DNAAF11: variants seen among roughly 807,000 people sequenced by gnomAD.
The protein encoded by DNAAF11 is leucine rich repeat containing 6.
Under a neutral mutation model 60.8 loss-of-function variants are expected in DNAAF11, and 45 were observed. That is an observed-to-expected ratio of 0.74 (90% CI 0.58 to 0.95). DNAAF11 has a LOEUF of 0.95. DNAAF11 is among the 40% of genes least tolerant of loss of function. The pLI, the probability that DNAAF11 is intolerant of heterozygous loss-of-function variation, is 0.00. For synonymous variants in DNAAF11, 191 were observed against 183.5 expected, an observed-to-expected ratio of 1.04 and a Z score of -0.33; for missense variants, 546 against 546.2, an observed-to-expected ratio of 1.00 and a Z score of 0.00.
chr8:132,581,542 C>T (rs577998309), intron 11 of DNAAF11, among the ~76,000 whole-genome samples: 8 of 151,402 alleles, frequency 5.3e-5, no homozygotes, highest in South Asian at 4.2e-4. Flanking sequence ...CCCAGCTACT[C>T]GGGAGGCTGA....
intron 11 of DNAAF11, among the ~76,000 whole-genome samples, chr8:132,575,549 G>A (rs1256655198): frequency 6.6e-6 from 1 of 152,136 alleles, no homozygotes; most frequent in Non-Finnish European, 1.5e-5. Flanking sequence ...CTTTGCACCA[G>A]CGTGGCAAGG....
intron 3 of DNAAF11, among the ~76,000 whole-genome samples, chr8:132,639,021 C>T (rs961404077): frequency 5.9e-5 from 9 of 152,114 alleles, no homozygotes; most frequent in African/African-American, 1.7e-4. Context: ...TCAGAAGTTG[C>T]GAAGATAATA....
At chr8:132,608,191 A>G (rs1586565075) in intron 10 of DNAAF11, among the ~76,000 whole-genome samples, 1 of 152,174 alleles carries the variant, frequency 6.6e-6, no homozygotes, top group Admixed American at 6.5e-5. Context: ...ATTATTCCCC[A>G]AAGTTTGTTT....
chr8:132,625,438 T>C lies in DNAAF11; in HGVS notation c.670A>G (p.Lys224Glu). ...INATLSSLESKDHLQAPDTEE... is the reference protein window; with the variant it reads ...INATLSSLESEDHLQAPDTEE... ...GTGTCTGGTGCCTGTAGGTGGTCTT[T>C]GCTCTCTAAAGAGGAACTAGGAAAA... The change falls in exon 6 of 12, where the codon AAA (lysine) becomes GAA (glutamate). Residue 224 changes from lysine (K) to glutamate (E), a missense_variant. By Grantham distance (56) the Lys-to-Glu change is moderately conservative. Coordinates refer to ENST00000620350, the MANE Select transcript of DNAAF11 (RefSeq NM_012472.6). 1 of 1,608,770 alleles carries C rather than the reference T, an allele frequency of 6.2e-7. No individual in the cohort carries two copies. Among genetic ancestry groups the C allele is most frequent in the Non-Finnish European group, 8.5e-7 (1 of 1,178,214 alleles).
At chr8:132,699,314 T>G in the DNAAF11 span, among the ~76,000 whole-genome samples, 1 of 152,016 alleles carries the variant, frequency 6.6e-6, no homozygotes, top group Admixed American at 6.6e-5. Context: ...TCTGCCTGAG[T>G]GTCCTACAAG....
At chr8:132,681,290 G>GT in the DNAAF11 span, among the ~76,000 whole-genome samples, 1 of 149,032 alleles carries the variant, frequency 6.7e-6, no homozygotes, top group Non-Finnish European at 1.5e-5. Context: ...GATTACAGGC[G>GT]TGAGCCACCA....
chr8:132,615,127 G>C lies in DNAAF11; in HGVS notation c.915-30C>G, dbSNP rs756172763. ...GAATAACACATTTGGTGGGAAAAAA[G>C]AGATGTCTTTAGGATACTGTATAGA... is the stretch of plus-strand genomic sequence containing the variant. On this transcript the variant is annotated intron_variant, in intron 7 of 11. Transcript: ENST00000620350. The C allele has an allele frequency of 2.8e-6, 4 of 1,419,158 alleles. No homozygotes were observed. The South Asian group carries it at 4.7e-5, about 17-fold the overall frequency. 87.9% of individuals were successfully genotyped at this position (1,419,158 alleles called of 1,614,324 possible). A position where few individuals can be genotyped will look rare whatever the true frequency, so the allele number is the denominator to read the frequency against.
At chr8:132,685,478 T>C in the DNAAF11 span, among the ~76,000 whole-genome samples, 1 of 152,222 alleles carries the variant, frequency 6.6e-6, no homozygotes. Flanking sequence ...AGTTTTAAAA[T>C]GTTTACTTCA....
chr8:132,698,971 C>T, the DNAAF11 span, among the ~76,000 whole-genome samples: 1 of 142,396 alleles, frequency 7.0e-6, no homozygotes, highest in Non-Finnish European at 1.5e-5. Context: ...CACACACACA[C>T]AAAAAAAATT....
chr8:132,572,081 C>T lies in DNAAF11; in HGVS notation c.*225G>A. 2.5e-6 allele frequency: 1 copy of T among 395,444 alleles called. No homozygotes were observed. The highest frequency in any genetic ancestry group is 4.5e-6 in the Non-Finnish European group (1 of 223,028). 24.5% of individuals were successfully genotyped at this position (395,444 alleles called of 1,614,324 possible). On this transcript the variant is annotated 3_prime_UTR_variant, in exon 12 of 12. Transcript: ENST00000620350. ...ATGATCTTACTAAACATTTTCAATA[C>T]CAACCCTTTATTATAGGTAAATGAT...
intron 10 of DNAAF11, among the ~76,000 whole-genome samples, chr8:132,601,060 C>T (rs1817559895): frequency 6.6e-6 from 1 of 152,238 alleles, no homozygotes; most frequent in African/African-American, 2.4e-5. Context: ...CTACAAAGAA[C>T]TCAAACAAAT....
chr8:132,629,353 C>CTT (rs869262359), intron 5 of DNAAF11, among the ~76,000 whole-genome samples: 1 of 127,482 alleles, frequency 7.8e-6, no homozygotes. Flanking sequence ...TTTTTTTTTT[C>CTT]TTTTTTTTTT....
the DNAAF11 span, among the ~76,000 whole-genome samples, chr8:132,692,475 C>A: frequency 6.6e-6 from 1 of 152,208 alleles, no homozygotes; most frequent in Non-Finnish European, 1.5e-5. Context: ...ACCTGCAGAA[C>A]TGCATGCAGC....
chr8:132,666,608 CGACAGAGA>C (rs1824655353), intron 1 of DNAAF11, among the ~76,000 whole-genome samples: 1 of 151,816 alleles, frequency 6.6e-6, no homozygotes, highest in African/African-American at 2.4e-5. Flanking sequence ...CAGGCAATGT[CGACAGAGA>C]TACAGAGCAC....
At chr8:132,697,218 G>A in the DNAAF11 span, among the ~76,000 whole-genome samples, 735 of 152,234 alleles carry the variant, frequency 4.8e-3, 14 homozygotes, top group African/African-American at 0.017. Context: ...TTTTGGGGGT[G>A]ATATAAGTTT....
rs545866657 is a variant in DNAAF11, at chr8:132,605,245, A to T, written c.1140+4921T>A. Among the ~76,000 whole-genome samples, 4 of 152,284 alleles carry T rather than the reference A, an allele frequency of 2.6e-5. No homozygotes were observed. In the South Asian group the frequency reaches 8.3e-4, roughly 32 times the overall value. The stretch of plus-strand genomic sequence containing the variant: ...TCACACAGTTGCTGAGTGAAATATC[A>T]GAATTTAATTCAGGTTCTCTGGCTC... On this transcript the variant is annotated intron_variant, in intron 10 of 11. Coordinates refer to ENST00000620350, the MANE Select transcript of DNAAF11 (RefSeq NM_012472.6).
rs751836811 is a variant in DNAAF11 at position 132,632,939 on chromosome 8, G to A, written c.454C>T (p.Pro152Ser). ...LKWLDGKEIE[P>S]SERIKALQDY... ...TGCAATGCCTTAATCCTTTCTGAAG[G>A]CTCTATTTCTTTACCATCCAACCAC... Residue 152 changes from proline (P) to serine (S), a missense_variant, in exon 5 of 12, where the codon CCT becomes TCT. Transcript: ENST00000620350. The A allele has an allele frequency of 1.2e-5, 20 of 1,612,532 alleles. No individual in the cohort carries two copies. The South Asian group carries it at 2.1e-4, about 17-fold the overall frequency.
chr8:132,604,837 A>G (rs1323837897), intron 10 of DNAAF11, among the ~76,000 whole-genome samples: 2 of 152,192 alleles, frequency 1.3e-5, no homozygotes, highest in African/African-American at 2.4e-5. Flanking sequence ...AACTATAGAG[A>G]GAAAACTACC....
At chr8:132,586,025 T>C (rs1815852317) in intron 10 of DNAAF11, among the ~76,000 whole-genome samples, 1 of 152,198 alleles carries the variant, frequency 6.6e-6, no homozygotes, top group Non-Finnish European at 1.5e-5. Context: ...CCAGTTATAG[T>C]TAACCAAATC....
Sources: allele counts gnomAD v4.1 joint callset (sites outside exome capture counted in the v4.1 genomes callset), GRCh38; gene constraint gnomAD v4.1.1; transcripts MANE v1.5; gene names NCBI Gene and HGNC (gene_info 2026-07-23, HGNC 2026-07-21).